UGT2B15: variants seen among roughly 807,000 people sequenced by gnomAD.
The protein encoded by UGT2B15 is UDP-glucuronosyltransferase 2B15.
Under a neutral mutation model 45.9 loss-of-function variants are expected in UGT2B15, and 36 were observed. The observed-to-expected ratio is 0.78, with a 90% CI of 0.60 to 1.04. The LOEUF is 1.04. Among genes scored for constraint, UGT2B15 ranks in the 50% least tolerant of loss-of-function variants. UGT2B15 has a pLI of 0.00. For missense variants in UGT2B15, 617 were observed against 622.4 expected (o/e 0.99, Z 0.09); for synonymous variants, 219 against 216.4 (o/e 1.01, Z -0.11).
chr4:68,650,611 T>A (rs1732625477), intron 5 of UGT2B15, among the ~76,000 whole-genome samples: 1 of 152,154 alleles, frequency 6.6e-6, no homozygotes. Flanking sequence ...TAGACATACA[T>A]GTGCATGTGT....
At chr4:68,669,366 C>A (rs543082815) in intron 1 of UGT2B15, among the ~76,000 whole-genome samples, 27 of 152,176 alleles carry the variant, frequency 1.8e-4, no homozygotes, top group African/African-American at 6.0e-4. Context: ...CATTAGAAAT[C>A]TCAAGTTTTA....
At chr4:68,668,270 A>G (rs539174471) in intron 1 of UGT2B15, 82 bp from the exon 2 acceptor site, 26 of 1,588,792 alleles carry the variant, frequency 1.6e-5, no homozygotes, top group Non-Finnish European at 2.1e-5. Context: ...TCCTGAAAGG[A>G]CTTGGAATAA....
intron 3 of UGT2B15, among the ~76,000 whole-genome samples, chr4:68,662,731 A>G (rs1021285414): frequency 1.3e-5 from 2 of 150,394 alleles, no homozygotes; most frequent in African/African-American, 4.9e-5. Flanking sequence ...ATTTCTATGT[A>G]CATGCTACGA....
chr4:68,654,459 A>T (rs1732745480), intron 4 of UGT2B15, among the ~76,000 whole-genome samples: 1 of 110,328 alleles, frequency 9.1e-6, no homozygotes, highest in Admixed American at 9.1e-5. Flanking sequence ...AAAAATTAAA[A>T]TGTGCAAAAA....
intron 3 of UGT2B15, among the ~76,000 whole-genome samples, chr4:68,658,226 G>A (rs1961062): frequency 0.92 from 139,978 of 151,912 alleles, 65,221 homozygotes; most frequent in East Asian, 1. Context: ...TTTGTACACA[G>A]TGTTTTATTA....
chr4:68,650,612 G>A (rs1487630302), intron 5 of UGT2B15, among the ~76,000 whole-genome samples: 1 of 152,052 alleles, frequency 6.6e-6, no homozygotes, highest in East Asian at 1.9e-4. Context: ...AGACATACAT[G>A]TGCATGTGTC....
chr4:68,656,229 T>C (rs1242303873), intron 3 of UGT2B15, among the ~76,000 whole-genome samples: 1 of 152,042 alleles, frequency 6.6e-6, no homozygotes, highest in African/African-American at 2.4e-5. Flanking sequence ...AGGATGAATT[T>C]GAGGTTTCTT....
At chr4:68,649,778 T>C (rs1732597076) in intron 5 of UGT2B15, among the ~76,000 whole-genome samples, 1 of 152,048 alleles carries the variant, frequency 6.6e-6, no homozygotes, top group Non-Finnish European at 1.5e-5. Context: ...ATTTTGTCTT[T>C]TCTTTTTGGT....
At chr4:68,655,225 T>C (rs1210378697) in intron 3 of UGT2B15, 43 bp from the exon 4 acceptor site, 2 of 1,592,878 alleles carry the variant, frequency 1.3e-6, no homozygotes, top group Non-Finnish European at 1.7e-6. Context: ...AATAGAACTC[T>C]AAAAACATAG....
intron 3 of UGT2B15, among the ~76,000 whole-genome samples, chr4:68,660,671 A>G (rs1463086330): frequency 1.3e-5 from 2 of 151,990 alleles, no homozygotes; most frequent in East Asian, 1.9e-4. Context: ...ATGTTTTTCA[A>G]CTTTTATTAC....
intron 3 of UGT2B15, among the ~76,000 whole-genome samples, chr4:68,659,594 C>G (rs1732904041): frequency 6.6e-6 from 1 of 151,872 alleles, no homozygotes; most frequent in Non-Finnish European, 1.5e-5. Flanking sequence ...TTATTGTGTG[C>G]CACAGAGGTA....
chr4:68,669,831 A>C, intron 1 of UGT2B15, 64 bp downstream of exon 1: 1 of 1,532,182 alleles, frequency 6.5e-7, no homozygotes, highest in Non-Finnish European at 8.7e-7. Context: ...TATTTATATA[A>C]GCTCACCTTC....
At chr4:68,660,401 A>T (rs950780573) in intron 3 of UGT2B15, among the ~76,000 whole-genome samples, 2 of 151,978 alleles carry the variant, frequency 1.3e-5, no homozygotes, top group Non-Finnish European at 2.9e-5. Flanking sequence ...ATTTGATGGT[A>T]GAAATCTATG....
At chr4:68,655,527 A>G (rs1157337034) in intron 3 of UGT2B15, among the ~76,000 whole-genome samples, 3 of 152,090 alleles carry the variant, frequency 2.0e-5, no homozygotes, top group Non-Finnish European at 4.4e-5. Context: ...CTCCCATTCT[A>G]TTCAAAGTCA....
intron 5 of UGT2B15, among the ~76,000 whole-genome samples, chr4:68,651,043 G>A (rs557909359): frequency 4.5e-5 from 6 of 134,520 alleles, no homozygotes; most frequent in South Asian, 2.4e-4. Context: ...TGTAGATTCC[G>A]GATATTAGAC....
chr4:68,665,432 G>A (rs1042921534), intron 2 of UGT2B15, among the ~76,000 whole-genome samples: 2 of 151,916 alleles, frequency 1.3e-5, no homozygotes, highest in African/African-American at 4.8e-5. Context: ...CATTATGTAA[G>A]TTTTTAACCA....
Position 68,670,105 on chromosome 4 carries a change from T to C in UGT2B15, c.514A>G (p.Ser172Gly). The C allele has an allele frequency of 6.2e-7, 1 of 1,614,098 alleles. No individual in the cohort carries two copies. The highest frequency in any genetic ancestry group is 8.5e-7 in the Non-Finnish European group (1 of 1,179,988). Residue 172 changes from serine to glycine, a missense_variant, in exon 1 of 6, where the codon AGT (serine) becomes GGT (glycine). Coordinates refer to ENST00000338206, the MANE Select transcript of UGT2B15 (RefSeq NM_001076.4). ...GTGTAGCCAACAGAGAATCGAAGAC[T>C]GTACAGAAAGGGTATGTTAAATAGT... ...AELFNIPFLY[S>G]LRFSVGYTFE...
At position 68,660,528 on chromosome 4, in the gene UGT2B15, A is replaced by T. The variant is rs563800032; in HGVS notation, c.1005+2480T>A. 1.9e-3 allele frequency among the ~76,000 whole-genome samples: 286 copies of T among 151,162 alleles called. 4 individuals carry two copies. The highest frequency in any genetic ancestry group is 6.7e-3 in the African/African-American group (274 of 40,824). On this transcript the variant is annotated intron_variant, in intron 3 of 5. Transcript: ENST00000338206. ...AATTATTCTTCCTCCTCTGTATACA[A>T]TAATCAGGCCAAGTATAATAAAGCA...
rs138017233 is a variant in UGT2B15, at chr4:68,669,709, A to C, written c.724+186T>G. 4.5e-4 allele frequency among the ~76,000 whole-genome samples: 69 copies of C among 152,292 alleles called. 1 individual carries two copies. Among genetic ancestry groups the C allele is most frequent in the African/African-American group, 1.5e-3 (64 of 41,568 alleles). ...GGTGTCCTGTAGTAGTGATGGCCCCAGGGTTCTAACTGATTCTATAAGGTC... is the reference window on the plus strand; with the variant it reads ...GGTGTCCTGTAGTAGTGATGGCCCCCGGGTTCTAACTGATTCTATAAGGTC... On this transcript the variant is annotated intron_variant, in intron 1 of 5. Transcript: ENST00000338206.
Sources: gnomAD v4.1 joint callset for allele counts (sites outside exome capture counted in the v4.1 genomes callset) on GRCh38, gnomAD v4.1.1 for gene constraint, MANE v1.5 for transcripts, NCBI Gene and HGNC (gene_info 2026-07-23, HGNC 2026-07-21) for gene names.